The following SORCS3 variants were observed in gnomAD, a reference collection of about 807,000 sequenced individuals.
The protein encoded by SORCS3 is VPS10 domain-containing receptor SorCS3.
In SORCS3, 57 loss-of-function variants were observed where a neutral mutation model predicts 146.3. That is an observed-to-expected ratio of 0.39 (90% CI 0.31 to 0.49). The LOEUF is 0.49. Ranked by LOEUF, SORCS3 falls within the 20% of genes least tolerant of loss-of-function variation. SORCS3 has a pLI of 0.92. For missense variants in SORCS3, 1,341 were observed against 1,575.5 expected, an observed-to-expected ratio of 0.85 and a Z score of 2.52; for synonymous variants, 653 against 618.5, an observed-to-expected ratio of 1.06 and a Z score of -0.83.
At chr10:105,236,041 C>T (rs1029158835) in intron 20 of SORCS3, among the ~76,000 whole-genome samples, 2 of 151,952 alleles carry the variant, frequency 1.3e-5, no homozygotes, top group African/African-American at 4.8e-5. Flanking sequence ...ATTCATGGAC[C>T]AAGGAACCCT....
intron 1 of SORCS3, among the ~76,000 whole-genome samples, chr10:104,800,391 A>G (rs1265316661): frequency 6.6e-6 from 1 of 152,212 alleles, no homozygotes; most frequent in Non-Finnish European, 1.5e-5. Flanking sequence ...ATTCTGTACG[A>G]TTCTACAATG....
At chr10:104,695,496 A>G (rs1205554024) in intron 1 of SORCS3, among the ~76,000 whole-genome samples, 1 of 151,876 alleles carries the variant, frequency 6.6e-6, no homozygotes, top group Non-Finnish European at 1.5e-5. Flanking sequence ...AGAAATGCAC[A>G]TATTACTGAA....
intron 5 of SORCS3, among the ~76,000 whole-genome samples, chr10:105,066,887 C>G (rs1286131415): frequency 6.6e-6 from 1 of 152,148 alleles, no homozygotes; most frequent in African/African-American, 2.4e-5. Flanking sequence ...GCCTAAAAGA[C>G]GTAAATGTAC....
chr10:105,127,656 A>G (rs1436941897), intron 7 of SORCS3, among the ~76,000 whole-genome samples: 1 of 152,170 alleles, frequency 6.6e-6, no homozygotes, highest in Non-Finnish European at 1.5e-5. Context: ...ATGAGTAAGA[A>G]CATTATCTAC....
intron 1 of SORCS3, among the ~76,000 whole-genome samples, chr10:104,749,806 T>C (rs1295154457): frequency 6.6e-6 from 1 of 152,240 alleles, no homozygotes; most frequent in Admixed American, 6.5e-5. Context: ...ATACATTTCA[T>C]ATTTTTCATT....
chr10:105,063,036 A>G (rs1174311954), intron 5 of SORCS3, among the ~76,000 whole-genome samples: 5 of 152,346 alleles, frequency 3.3e-5, no homozygotes, highest in East Asian at 1.9e-4. Context: ...GTATGTCATT[A>G]ATCGCTAATT....
chr10:105,016,155 A>ATATATATATATATATATATAT (rs71482443), intron 4 of SORCS3, among the ~76,000 whole-genome samples: 2 of 101,320 alleles, frequency 2.0e-5, no homozygotes, highest in African/African-American at 9.7e-5. Context: ...ATATATATAT[A>ATATATATATATATATATATAT]TTTTTTTTTT....
intron 1 of SORCS3, among the ~76,000 whole-genome samples, chr10:104,807,135 T>TTTTTTTTTTTTTTTTTTTTTTGAG (rs1392376583): frequency 6.6e-6 from 1 of 151,658 alleles, no homozygotes; most frequent in African/African-American, 2.4e-5. Flanking sequence ...CTGTTGCTTT[T>TTTTTTTTTTTTTTTTTTTTTTGAG]AAGAAATGGT....
At chr10:104,725,155 T>C (rs905179341) in intron 1 of SORCS3, among the ~76,000 whole-genome samples, 6 of 152,244 alleles carry the variant, frequency 3.9e-5, no homozygotes, top group Non-Finnish European at 7.3e-5. Context: ...TGGGGTTTTG[T>C]TGTGGTTGTC....
Position 105,201,196 on chromosome 10 carries a change from A to G in SORCS3, c.2204A>G (p.Asp735Gly). The change falls in exon 16 of 27, where the codon GAC (aspartate) becomes GGC (glycine). Residue 735 changes from aspartate (D) to glycine (G), a missense_variant. By Grantham distance (94) the Asp-to-Gly change is moderately conservative. Transcript: ENST00000369701. ...GGAGCTCAGTGTGCCCTGGGCCGAG[A>G]CCACTCAGGATCAGTGGTCTCAGAA... is the stretch of plus-strand genomic sequence containing the variant. ...KPGAQCALGR[D>G]HSGSVVSEPC... 6.2e-7 allele frequency: 1 copy of G among 1,612,048 alleles called. No homozygotes were observed. Among genetic ancestry groups the G allele is most frequent in the African/African-American group, 1.3e-5 (1 of 74,996 alleles).
At chr10:105,031,362 CA>C (rs1554870578) in intron 4 of SORCS3, among the ~76,000 whole-genome samples, 1 of 143,712 alleles carries the variant, frequency 7.0e-6, no homozygotes, top group African/African-American at 2.7e-5. Context: ...CACACACACA[CA>C]AAAACATGTA....
At chr10:105,115,944 GAC>G (rs2055890926) in intron 7 of SORCS3, among the ~76,000 whole-genome samples, 1 of 152,168 alleles carries the variant, frequency 6.6e-6, no homozygotes, top group Non-Finnish European at 1.5e-5. Flanking sequence ...GAGTTACAGA[GAC>G]AGTCTTCAAA....
At chr10:104,840,455 A>G (rs2018125091) in intron 1 of SORCS3, among the ~76,000 whole-genome samples, 1 of 152,200 alleles carries the variant, frequency 6.6e-6, no homozygotes, top group South Asian at 2.1e-4. Context: ...CACAGCACCT[A>G]TCAGTCTATA....
intron 3 of SORCS3, among the ~76,000 whole-genome samples, chr10:104,976,307 A>G (rs1455836303): frequency 6.6e-6 from 1 of 152,224 alleles, no homozygotes; most frequent in Non-Finnish European, 1.5e-5. Flanking sequence ...AACACATGAA[A>G]AAATGCTCAC....
At chr10:105,047,996 A>G (rs1489973693) in intron 5 of SORCS3, among the ~76,000 whole-genome samples, 1 of 152,116 alleles carries the variant, frequency 6.6e-6, no homozygotes, top group Non-Finnish European at 1.5e-5. Context: ...ACCATCTCAC[A>G]CCAGTTAGAA....
At chr10:104,818,354 C>CT (rs1554852884) in intron 1 of SORCS3, among the ~76,000 whole-genome samples, 9 of 78,658 alleles carry the variant, frequency 1.1e-4, no homozygotes, top group Middle Eastern at 7.0e-3. Flanking sequence ...TTTCTTTCTT[C>CT]TCCTTTCTTC....
chr10:104,716,387 T>C (rs998342456), intron 1 of SORCS3, among the ~76,000 whole-genome samples: 3 of 152,096 alleles, frequency 2.0e-5, no homozygotes, highest in African/African-American at 7.2e-5. Context: ...ATGGGGTGCA[T>C]AATGAAAACA....
At chr10:104,771,925 C>T (rs1307274643) in intron 1 of SORCS3, among the ~76,000 whole-genome samples, 1 of 152,056 alleles carries the variant, frequency 6.6e-6, no homozygotes, top group Non-Finnish European at 1.5e-5. Context: ...ATCATGTGTT[C>T]CGACTGTTGT....
intron 1 of SORCS3, among the ~76,000 whole-genome samples, chr10:104,735,777 T>C (rs2016764345): frequency 6.6e-6 from 1 of 152,134 alleles, no homozygotes; most frequent in African/African-American, 2.4e-5. Flanking sequence ...TTATGACCTG[T>C]AGCATGGGCT....
Sources: allele counts gnomAD v4.1 joint callset (sites outside exome capture counted in the v4.1 genomes callset), GRCh38; gene constraint gnomAD v4.1.1; transcripts MANE v1.5; gene names NCBI Gene and HGNC (gene_info 2026-07-23, HGNC 2026-07-21).